RIMS1: variants seen among roughly 807,000 people sequenced by gnomAD.
RIMS1 encodes the protein regulating synaptic membrane exocytosis protein 1.
A neutral mutation model predicts 214.1 loss-of-function variants in RIMS1; 83 were observed. That is an observed-to-expected ratio of 0.39 (90% CI 0.32 to 0.47). The LOEUF (loss-of-function observed/expected upper bound fraction) is 0.47. Among genes scored for constraint, RIMS1 ranks in the 20% least tolerant of loss-of-function variants. RIMS1 has a pLI of 0.99. For synonymous variants in RIMS1, 793 were observed against 786.8 expected (o/e 1.01, Z -0.13); for missense variants, 2,050 against 2,161.8 (o/e 0.95, Z 1.03).
chr6:71,966,110 CA>C, intron 1 of RIMS1, among the ~76,000 whole-genome samples: 1 of 152,262 alleles, frequency 6.6e-6, no homozygotes, highest in Non-Finnish European at 1.5e-5. Context: ...GTAATCCACA[CA>C]AGCAAACAAA....
intron 1 of RIMS1, among the ~76,000 whole-genome samples, chr6:71,890,596 A>AAAAAAAAAAAAAAAAC (rs1554194854): frequency 2.7e-5 from 3 of 112,950 alleles, no homozygotes; most frequent in South Asian, 2.8e-4. Flanking sequence ...AAAAAAAAAA[A>AAAAAAAAAAAAAAAAC]ACTTCATAGA....
rs376001187 is a variant in RIMS1 at position 72,366,938 on chromosome 6, A to G, written c.4367-23660A>G. ...TTGTTTATTTATAACTTTTCATAAA[A>G]CCTAGCCAAAAGCCAAATTTCTATA... On this transcript the variant is annotated intron_variant, in intron 29 of 33. Coordinates refer to ENST00000521978, the MANE Select transcript of RIMS1 (RefSeq NM_014989.7). 17 of 891,068 alleles carry G rather than the reference A, an allele frequency of 1.9e-5. No homozygotes were observed. The East Asian group carries it at 9.5e-4, about 50-fold the overall frequency. The allele number at this position is 891,068 out of a possible 1,614,324, so 55.2% of individuals were successfully genotyped here.
intron 1 of RIMS1, among the ~76,000 whole-genome samples, chr6:71,912,773 T>C (rs1777303330): frequency 6.6e-6 from 1 of 152,106 alleles, no homozygotes; most frequent in Admixed American, 6.6e-5. Flanking sequence ...TATTGCCCAA[T>C]AGAAAAATCT....
intron 2 of RIMS1, among the ~76,000 whole-genome samples, chr6:72,059,282 A>G (rs1003648382): frequency 6.6e-6 from 1 of 152,192 alleles, no homozygotes; most frequent in African/African-American, 2.4e-5. Flanking sequence ...GCTGCAGTAT[A>G]GTGCTACAAT....
At chr6:72,260,645 T>A in intron 18 of RIMS1, 60 bp from the exon 19 acceptor site, 1 of 1,596,518 alleles carries the variant, frequency 6.3e-7, no homozygotes, top group Non-Finnish European at 8.5e-7. Flanking sequence ...GGCATACCAT[T>A]GGCATAACCC....
chr6:72,070,670 T>A (rs1830386166), intron 2 of RIMS1, among the ~76,000 whole-genome samples: 3 of 152,216 alleles, frequency 2.0e-5, no homozygotes. Flanking sequence ...GCAACTCTCC[T>A]GAACCACTGA....
At chr6:72,072,905 G>A (rs1830901591) in intron 2 of RIMS1, among the ~76,000 whole-genome samples, 1 of 152,182 alleles carries the variant, frequency 6.6e-6, no homozygotes, top group Non-Finnish European at 1.5e-5. Context: ...GATATTATCA[G>A]TGAGCAAAAT....
At chr6:72,374,395 C>G (rs1196271354) in intron 29 of RIMS1, among the ~76,000 whole-genome samples, 1 of 152,212 alleles carries the variant, frequency 6.6e-6, no homozygotes, top group Non-Finnish European at 1.5e-5. Context: ...ACCCTTAGGG[C>G]ACACAGGCTC....
Position 72,333,738 on chromosome 6 carries a change from T to A in RIMS1, c.4269T>A (p.Val1423=). Reference sequence around the variant, plus strand: ...AGTCAGACACAGCTGTGGGTACAGTTGGAGCAGGTGGAAAGAAACGGAGAT... The same window carrying A: ...AGTCAGACACAGCTGTGGGTACAGTAGGAGCAGGTGGAAAGAAACGGAGAT... ...GSQSDTAVGT[V]GAGGKKRRSS... Residue 1423 remains valine (V), a synonymous_variant, in exon 29 of 34, where the codon GTT becomes GTA. Transcript: ENST00000521978. 1.3e-6 allele frequency: 2 copies of A among 1,599,198 alleles called. No homozygotes were observed. Among genetic ancestry groups the A allele is most frequent in the African/African-American group, 1.3e-5 (1 of 74,668 alleles).
chr6:72,053,138 T>C (rs942907710), intron 2 of RIMS1, among the ~76,000 whole-genome samples: 2 of 152,188 alleles, frequency 1.3e-5, no homozygotes, highest in Non-Finnish European at 2.9e-5. Flanking sequence ...AACCTTGGCA[T>C]AGGTCTGACT....
chr6:72,221,324 T>TGTGTGTGTGTGA (rs1562705390), intron 6 of RIMS1, among the ~76,000 whole-genome samples: 17 of 140,372 alleles, frequency 1.2e-4, no homozygotes, highest in African/African-American at 4.8e-4. Flanking sequence ...GTGTGTGTGA[T>TGTGTGTGTGTGA]TTTTTTTTTC....
intron 4 of RIMS1, among the ~76,000 whole-genome samples, chr6:72,112,463 G>A (rs2036291863): frequency 6.6e-6 from 1 of 152,000 alleles, no homozygotes; most frequent in South Asian, 2.1e-4. Flanking sequence ...CCCTACAATT[G>A]TACCCAACAC....
At chr6:71,887,962 G>C (rs988208792) in intron 1 of RIMS1, among the ~76,000 whole-genome samples, 3 of 152,174 alleles carry the variant, frequency 2.0e-5, no homozygotes, top group Non-Finnish European at 2.9e-5. Context: ...TCTGGGGCCT[G>C]TTCAGTTCCT....
At chr6:72,367,688 A>G (rs2098081902) in intron 29 of RIMS1, among the ~76,000 whole-genome samples, 1 of 152,178 alleles carries the variant, frequency 6.6e-6, no homozygotes, top group Non-Finnish European at 1.5e-5. Flanking sequence ...ACAGTCTTAC[A>G]TACATATATA....
chr6:71,898,716 T>C (rs939767750), intron 1 of RIMS1, among the ~76,000 whole-genome samples: 10 of 152,156 alleles, frequency 6.6e-5, no homozygotes, highest in Non-Finnish European at 1.2e-4. Flanking sequence ...GCAGGAAAGA[T>C]GGCAATAAAC....
chr6:72,165,393 T>C (rs1193744471), intron 4 of RIMS1, among the ~76,000 whole-genome samples: 2 of 152,202 alleles, frequency 1.3e-5, no homozygotes, highest in Non-Finnish European at 2.9e-5. Context: ...TCAAACAACA[T>C]ATTGAAATAT....
In RIMS1 at chr6:72,398,688, A is replaced by T. The variant is rs183101483; in HGVS notation, c.4721-267A>T. Among the ~76,000 whole-genome samples the T allele has an allele frequency of 1.2e-4, 19 of 152,336 alleles. No individual in the cohort carries two copies. In the East Asian group the frequency reaches 3.5e-3, roughly 28 times the overall value. ...TCATAAAAAGGTAACAATGAGCTTT[A>T]AGATATAAACCTGCATTGTAACCCA... On this transcript the variant is annotated intron_variant, in intron 32 of 33. Transcript: ENST00000521978.
At chr6:72,097,408 C>G (rs915088739) in intron 3 of RIMS1, among the ~76,000 whole-genome samples, 1 of 152,080 alleles carries the variant, frequency 6.6e-6, no homozygotes, top group Admixed American at 6.6e-5. Context: ...CAACAGATTA[C>G]CTGTGAGAAT....
At chr6:72,132,154 A>C (rs2040552282) in intron 4 of RIMS1, among the ~76,000 whole-genome samples, 1 of 152,226 alleles carries the variant, frequency 6.6e-6, no homozygotes, top group South Asian at 2.1e-4. Context: ...TCTGTTTAGG[A>C]GATGACAGGA....
Sources: allele counts gnomAD v4.1 joint callset (sites outside exome capture counted in the v4.1 genomes callset), GRCh38; gene constraint gnomAD v4.1.1; transcripts MANE v1.5; gene names NCBI Gene and HGNC (gene_info 2026-07-23, HGNC 2026-07-21).